SAMMSON: variants seen among roughly 807,000 people sequenced by gnomAD.
The protein encoded by SAMMSON is long intergenic non-protein coding RNA 1212.
At chr3:70,039,620 C>T (rs958263358) in intron 3 of SAMMSON, among the ~76,000 whole-genome samples, 1 of 151,218 alleles carries the variant, frequency 6.6e-6, no homozygotes, top group African/African-American at 2.4e-5. Context: ...CACACACACA[C>T]ACACACACAC....
intron 7 of SAMMSON, among the ~76,000 whole-genome samples, chr3:70,314,989 G>A (rs1702485553): frequency 6.6e-6 from 1 of 151,054 alleles, no homozygotes; most frequent in Non-Finnish European, 1.5e-5. Flanking sequence ...TCACTTTGGA[G>A]AGTATGGATT....
intron 4 of SAMMSON, among the ~76,000 whole-genome samples, chr3:70,076,481 G>A (rs745603817): frequency 6.6e-6 from 1 of 152,110 alleles, no homozygotes; most frequent in Non-Finnish European, 1.5e-5. Context: ...GTGCCTCAAT[G>A]GGCCACTGAT....
At chr3:70,120,414 C>G (rs995163949) in intron 4 of SAMMSON, 2 of 152,152 alleles carry the variant, frequency 1.3e-5, no homozygotes, top group African/African-American at 4.8e-5. Flanking sequence ...TCAGGACAGT[C>G]AAGCCCATGC....
intron 4 of SAMMSON, among the ~76,000 whole-genome samples, chr3:70,187,427 C>CTTT (rs928465556): frequency 0.012 from 884 of 73,150 alleles, 178 homozygotes; most frequent in African/African-American, 0.037. Context: ...GGGACCAACT[C>CTTT]TTTTTTTTTT....
intron 7 of SAMMSON, among the ~76,000 whole-genome samples, chr3:70,324,500 C>T (rs2106719136): frequency 6.6e-6 from 1 of 152,204 alleles, no homozygotes; most frequent in African/African-American, 2.4e-5. Flanking sequence ...CACTGCGATC[C>T]TAATACATAT....
At chr3:70,253,730 A>T (rs1701790336) in intron 6 of SAMMSON, among the ~76,000 whole-genome samples, 1 of 152,218 alleles carries the variant, frequency 6.6e-6, no homozygotes, top group African/African-American at 2.4e-5. Context: ...CTCTAAAAAA[A>T]GTAAAAATAC....
At chr3:70,265,568 C>A (rs1701909874) in intron 6 of SAMMSON, among the ~76,000 whole-genome samples, 1 of 151,724 alleles carries the variant, frequency 6.6e-6, no homozygotes, top group African/African-American at 2.4e-5. Context: ...GGTGGGGTTG[C>A]ATTATCAAGG....
intron 7 of SAMMSON, among the ~76,000 whole-genome samples, chr3:70,309,440 G>T (rs1306903363): frequency 1.3e-5 from 2 of 151,920 alleles, no homozygotes; most frequent in Non-Finnish European, 2.9e-5. Context: ...TTTTAAAGAG[G>T]GAAAAAAACA....
intron 4 of SAMMSON, among the ~76,000 whole-genome samples, chr3:70,231,807 T>C (rs571771221): frequency 4.3e-4 from 65 of 152,270 alleles, no homozygotes; most frequent in Non-Finnish European, 8.8e-4. Flanking sequence ...ATGAAATTAC[T>C]TGGACCAGGA....
At chr3:70,185,118 A>C (rs1701082615) in intron 4 of SAMMSON, among the ~76,000 whole-genome samples, 2 of 152,178 alleles carry the variant, frequency 1.3e-5, no homozygotes, top group African/African-American at 4.8e-5. Flanking sequence ...GGAAAATTGC[A>C]AAATTAAGGT....
At chr3:70,387,810 G>A (rs1187604434) in intron 9 of SAMMSON, among the ~76,000 whole-genome samples, 2 of 152,066 alleles carry the variant, frequency 1.3e-5, no homozygotes, top group African/African-American at 4.8e-5. Flanking sequence ...TGTATTAAAT[G>A]TTCTACCTAC....
At chr3:70,302,360 C>A (rs1385276268) in intron 7 of SAMMSON, among the ~76,000 whole-genome samples, 1 of 151,896 alleles carries the variant, frequency 6.6e-6, no homozygotes, top group Non-Finnish European at 1.5e-5. Context: ...AAGAAATGGG[C>A]CATAATCTTA....
chr3:70,308,177 A>G (rs553836781), intron 7 of SAMMSON, among the ~76,000 whole-genome samples: 2 of 152,110 alleles, frequency 1.3e-5, no homozygotes, highest in Non-Finnish European at 2.9e-5. Flanking sequence ...CAGTCTGTCT[A>G]GTAGTTGGGA....
chr3:70,076,543 G>A (rs1391682386), intron 4 of SAMMSON, among the ~76,000 whole-genome samples: 2 of 152,130 alleles, frequency 1.3e-5, no homozygotes, highest in African/African-American at 4.8e-5. Flanking sequence ...TGCAATTAGC[G>A]TGTGTGTGGT....
intron 7 of SAMMSON, among the ~76,000 whole-genome samples, chr3:70,305,513 G>A (rs932632579): frequency 6.6e-6 from 1 of 152,130 alleles, no homozygotes; most frequent in African/African-American, 2.4e-5. Flanking sequence ...GAATTAGATT[G>A]GATTAATATT....
intron 4 of SAMMSON, among the ~76,000 whole-genome samples, chr3:70,184,729 C>T (rs1329362792): frequency 6.6e-6 from 1 of 152,152 alleles, no homozygotes; most frequent in African/African-American, 2.4e-5. Flanking sequence ...AATTTAGTTG[C>T]CAGCCCTTGC....
intron 6 of SAMMSON, among the ~76,000 whole-genome samples, chr3:70,283,283 T>C (rs1053130451): frequency 2.6e-5 from 4 of 152,016 alleles, no homozygotes; most frequent in Admixed American, 2.6e-4. Context: ...GATTGCTTTT[T>C]GGTTGGTCTG....
chr3:70,005,198 G>A (rs1221274419), intron 1 of SAMMSON, among the ~76,000 whole-genome samples: 2 of 152,036 alleles, frequency 1.3e-5, no homozygotes, highest in African/African-American at 4.8e-5. Flanking sequence ...GAAAGTCTGT[G>A]GTTATTCTCT....
intron 4 of SAMMSON, among the ~76,000 whole-genome samples, chr3:70,178,808 A>G (rs1701028664): frequency 6.6e-6 from 1 of 152,176 alleles, no homozygotes; most frequent in Admixed American, 6.5e-5. Flanking sequence ...CAGGAGTTAG[A>G]GACCAGCTTG....
Sources: gnomAD v4.1 joint callset for allele counts (sites outside exome capture counted in the v4.1 genomes callset) on GRCh38, gnomAD v4.1.1 for gene constraint, MANE v1.5 for transcripts, NCBI Gene and HGNC (gene_info 2026-07-23, HGNC 2026-07-21) for gene names.